TNKS: variants seen among roughly 807,000 people sequenced by gnomAD.
TNKS encodes the protein poly [ADP-ribose] polymerase tankyrase-1.
A neutral mutation model predicts 135.8 loss-of-function variants in TNKS; 72 were observed. That is an observed-to-expected ratio of 0.53 (90% CI 0.44 to 0.64). The LOEUF (loss-of-function observed/expected upper bound fraction) is 0.64. Ranked by LOEUF, TNKS falls within the 30% of genes least tolerant of loss-of-function variation. The pLI is 0.00. For synonymous variants in TNKS, 849 were observed against 649.3 expected (o/e 1.31, Z -4.68); for missense variants, 1,769 against 1,674.0 (o/e 1.06, Z -0.99).
chr8:9,706,288 T>C (rs779262517), intron 7 of TNKS, 35 bp downstream of exon 7: 3 of 23,650 alleles, frequency 1.3e-4, no homozygotes, highest in East Asian at 1.3e-3. Context: ...CATCATTTAC[T>C]TTTTTTTTTT....
intron 3 of TNKS, among the ~76,000 whole-genome samples, chr8:9,620,904 G>C (rs1799843054): frequency 6.6e-6 from 1 of 152,114 alleles, no homozygotes; most frequent in Non-Finnish European, 1.5e-5. Flanking sequence ...ACTTTTGTCT[G>C]TCTTGTTTAC....
chr8:9,587,267 G>T (rs1281036971), intron 2 of TNKS, among the ~76,000 whole-genome samples: 1 of 151,990 alleles, frequency 6.6e-6, no homozygotes, highest in African/African-American at 2.4e-5. Context: ...AGCCACCATT[G>T]GTGGCTTTGA....
intron 11 of TNKS, among the ~76,000 whole-genome samples, chr8:9,711,721 C>T (rs1804343034): frequency 3.3e-5 from 5 of 152,128 alleles, no homozygotes. Flanking sequence ...AAAAGTTACA[C>T]ACTTTAGGTA....
chr8:9,686,889 GC>G (rs1803028161), intron 5 of TNKS, among the ~76,000 whole-genome samples: 2 of 152,138 alleles, frequency 1.3e-5, no homozygotes. Flanking sequence ...AAGAATTTGG[GC>G]CATGTGAGCT....
chr8:9,664,797 C>T (rs552927457), intron 3 of TNKS, among the ~76,000 whole-genome samples: 27 of 152,266 alleles, frequency 1.8e-4, no homozygotes, highest in African/African-American at 6.5e-4. Context: ...AAAAGTCACA[C>T]GTTCATGACT....
rs747438517 is a variant in TNKS, at chr8:9,748,099, C to G, written c.2719C>G (p.Leu907Val). The G allele has an allele frequency of 6.2e-7, 1 of 1,614,032 alleles. No homozygotes were observed. Among genetic ancestry groups the G allele is most frequent in the South Asian group, 1.1e-5 (1 of 91,078 alleles). Residue 907 changes from leucine to valine, a missense_variant, in exon 18 of 27, where the codon CTC becomes GTC. This residue lies in a region of TNKS where 722 missense variants were observed against 688.9 expected (regional missense o/e 1.05). Transcript: ENST00000310430. The part of the protein sequence containing the change: ...NATDKWAFTP[L>V]HEAAQKGRTQ... ...AACAGATAAGTGGGCGTTTACTCCC[C>G]TCCATGAAGCAGCCCAGAAAGGAAG...
At chr8:9,604,573 T>TG (rs1203358518) in intron 2 of TNKS, among the ~76,000 whole-genome samples, 2 of 151,920 alleles carry the variant, frequency 1.3e-5, no homozygotes, top group Non-Finnish European at 2.9e-5. Flanking sequence ...TTTCTTAACT[T>TG]GCATGCTTTC....
At chr8:9,759,888 T>A (rs1474563845) in intron 20 of TNKS, among the ~76,000 whole-genome samples, 1 of 151,314 alleles carries the variant, frequency 6.6e-6, no homozygotes, top group Non-Finnish European at 1.5e-5. Flanking sequence ...GGCAAGAGAA[T>A]GGCGTGAACC....
At chr8:9,619,709 A>G (rs1393110284) in intron 3 of TNKS, among the ~76,000 whole-genome samples, 4 of 151,970 alleles carry the variant, frequency 2.6e-5, no homozygotes, top group Non-Finnish European at 5.9e-5. Flanking sequence ...GGCTCAGGCC[A>G]CCGGCAATAT....
chr8:9,711,400 T>G (rs7825818), intron 11 of TNKS, among the ~76,000 whole-genome samples: 125,803 of 152,094 alleles, frequency 0.83, 52,198 homozygotes, highest in Admixed American at 0.89. Flanking sequence ...TGGCATAGTG[T>G]ACTTTACTTG....
chr8:9,733,227 T>C (rs1356621938), intron 14 of TNKS, 52 bp from the exon 15 acceptor site: 1 of 1,491,690 alleles, frequency 6.7e-7, no homozygotes, highest in Non-Finnish European at 8.9e-7. Context: ...ATAAGAATCA[T>C]TGTAACTCAA....
intron 1 of TNKS, among the ~76,000 whole-genome samples, chr8:9,564,347 A>G (rs540151077): frequency 2.6e-5 from 4 of 152,290 alleles, no homozygotes; most frequent in East Asian, 1.9e-4. Context: ...CATATCATCA[A>G]AGGTCGAGTT....
At position 9,781,096 on chromosome 8, in the gene TNKS, A is replaced by C. The variant is rs1389279181; in HGVS notation, c.*4360A>C. 2 of 152,264 alleles carry C rather than the reference A, an allele frequency of 1.3e-5. No individual in the cohort carries two copies. The allele number at this position is 152,264 out of a possible 1,614,324, so 9.4% of individuals were successfully genotyped here. On this transcript the variant is annotated 3_prime_UTR_variant, in exon 27 of 27. Transcript: ENST00000310430. ...ACTTTGCACGACCAAATATGGTCGT[A>C]GTATGACGAGTTTTATACATTGCCA...
At chr8:9,581,936 G>C (rs991927808) in intron 2 of TNKS, among the ~76,000 whole-genome samples, 1 of 152,122 alleles carries the variant, frequency 6.6e-6, no homozygotes, top group African/African-American at 2.4e-5. Context: ...ATGGATCCCT[G>C]CAGCACTCTA....
At chr8:9,656,408 C>A (rs986602315) in intron 3 of TNKS, among the ~76,000 whole-genome samples, 1 of 151,928 alleles carries the variant, frequency 6.6e-6, no homozygotes, top group East Asian at 1.9e-4. Flanking sequence ...AGATACTCCT[C>A]GAGAAGAGCA....
At chr8:9,772,526 C>T (rs985559665) in intron 26 of TNKS, 8 of 421,748 alleles carry the variant, frequency 1.9e-5, no homozygotes, top group South Asian at 1.2e-4. Flanking sequence ...GCTAACTTTC[C>T]AGATTACATG....
chr8:9,759,274 C>T (rs1321164436), intron 20 of TNKS, among the ~76,000 whole-genome samples: 2 of 152,168 alleles, frequency 1.3e-5, no homozygotes, highest in East Asian at 1.9e-4. Flanking sequence ...AAAGCGTGAG[C>T]GCCCAAGATG....
chr8:9,629,555 C>G (rs2128771005), intron 3 of TNKS, among the ~76,000 whole-genome samples: 1 of 152,354 alleles, frequency 6.6e-6, no homozygotes, highest in East Asian at 1.9e-4. Context: ...CTTGCTGTTA[C>G]TCAAGTTGGT....
intron 1 of TNKS, among the ~76,000 whole-genome samples, chr8:9,567,640 T>C (rs12541439): frequency 6.6e-6 from 1 of 152,098 alleles, no homozygotes; most frequent in Non-Finnish European, 1.5e-5. Flanking sequence ...GATGGTCTCG[T>C]TCTCCTGATC....
Sources: allele counts gnomAD v4.1 joint callset (sites outside exome capture counted in the v4.1 genomes callset), GRCh38; gene constraint gnomAD v4.1.1; regional missense constraint gnomAD v4.1.1; transcripts MANE v1.5; gene names NCBI Gene and HGNC (gene_info 2026-07-23, HGNC 2026-07-21).